The following DPP10 variants were observed in gnomAD, a reference collection of about 807,000 sequenced individuals.
DPP10 encodes dipeptidyl peptidase like 10.
Under a neutral mutation model 120.9 loss-of-function variants are expected in DPP10, and 33 were observed. The observed-to-expected ratio is 0.27, with a 90% confidence interval of 0.21 to 0.37. The LOEUF is 0.37. Among genes scored for constraint, DPP10 ranks in the 10% least tolerant of loss-of-function variants. The probability of loss-of-function intolerance (pLI) is 1.00; values close to 1 mark genes in which losing one functional copy is unlikely to be tolerated. For missense variants in DPP10, 816 were observed against 942.8 expected (o/e 0.87, Z 1.76); for synonymous variants, 337 against 326.1 (o/e 1.03, Z -0.36).
rs1484730199 is a variant in DPP10 at position 114,458,380 on chromosome 2, G to A, written c.60+15542G>A. The stretch of plus-strand genomic sequence containing the variant: ...TTGACCACTCATCTCTCCCCTATTT[G>A]CCTGTCATGAAATCTAAGATTCTGC... On this transcript the variant is annotated intron_variant, in intron 1 of 25. Transcript: ENST00000410059. Among the ~76,000 whole-genome samples, 4 of 152,122 alleles carry A rather than the reference G, an allele frequency of 2.6e-5. No homozygotes were observed. The East Asian group carries it at 7.7e-4, about 29-fold the overall frequency.
At chr2:115,282,120 A>G (rs1366646559) in intron 1 of DPP10, among the ~76,000 whole-genome samples, 1 of 152,060 alleles carries the variant, frequency 6.6e-6, no homozygotes, top group Non-Finnish European at 1.5e-5. Flanking sequence ...AATCAACTGA[A>G]TAACTTTAGT....
chr2:115,167,604 CA>C (rs59031977), intron 1 of DPP10, among the ~76,000 whole-genome samples: 6,002 of 48,590 alleles, frequency 0.12, 140 homozygotes, highest in East Asian at 0.28. Context: ...GAGACCGTCT[CA>C]AAAAAAAAAA....
intron 1 of DPP10, among the ~76,000 whole-genome samples, chr2:114,485,676 G>T (rs775189372): frequency 1.3e-5 from 2 of 151,984 alleles, no homozygotes; most frequent in Non-Finnish European, 2.9e-5. Flanking sequence ...CTTCTGGCGT[G>T]TCTGGGCTCC....
intron 1 of DPP10, among the ~76,000 whole-genome samples, chr2:115,164,937 CT>C (rs1189023506): frequency 6.6e-6 from 1 of 152,152 alleles, no homozygotes; most frequent in African/African-American, 2.4e-5. Flanking sequence ...AGTAATCTTT[CT>C]TTTAAAGATT....
intron 1 of DPP10, among the ~76,000 whole-genome samples, chr2:114,500,006 C>T (rs1489694186): frequency 6.6e-6 from 1 of 152,238 alleles, no homozygotes; most frequent in Non-Finnish European, 1.5e-5. Context: ...CTGGGGAGAA[C>T]TCACTGGCCC....
At chr2:114,971,115 T>C (rs1699361748) in intron 1 of DPP10, among the ~76,000 whole-genome samples, 1 of 152,202 alleles carries the variant, frequency 6.6e-6, no homozygotes, top group East Asian at 1.9e-4. Context: ...GTGTGTCAGT[T>C]GTGACGCCTC....
intron 5 of DPP10, among the ~76,000 whole-genome samples, chr2:115,658,025 G>C (rs1266737840): frequency 6.6e-6 from 1 of 151,900 alleles, no homozygotes; most frequent in Non-Finnish European, 1.5e-5. Flanking sequence ...TAAAACTAGT[G>C]ATATATTTAA....
intron 4 of DPP10, among the ~76,000 whole-genome samples, chr2:115,507,490 G>A (rs17044593): frequency 0.21 from 32,308 of 152,072 alleles, 3,952 homozygotes; most frequent in East Asian, 0.39. Flanking sequence ...GGCTCACTAC[G>A]GAGATAACAT....
At chr2:114,693,641 G>T (rs1419023175) in intron 1 of DPP10, among the ~76,000 whole-genome samples, 1 of 151,928 alleles carries the variant, frequency 6.6e-6, no homozygotes, top group East Asian at 1.9e-4. Flanking sequence ...CTAGGTTTGG[G>T]AAGTTCTCCT....
chr2:115,031,446 G>T (rs182092997), intron 1 of DPP10, among the ~76,000 whole-genome samples: 10 of 152,168 alleles, frequency 6.6e-5, no homozygotes, highest in African/African-American at 1.9e-4. Context: ...TAATTAATTT[G>T]TTCCTCACCC....
At chr2:115,234,005 G>A (rs769756567) in intron 1 of DPP10, 1 of 510,176 alleles carries the variant, frequency 2.0e-6, no homozygotes, top group East Asian at 5.5e-5. Context: ...GGAGGTAGTG[G>A]GGGAAATGCT....
Position 115,223,832 on chromosome 2 carries a change from G to A in DPP10, c.61-85407G>A, listed in dbSNP as rs1015296687. On this transcript the variant is annotated intron_variant, in intron 1 of 25. Coordinates refer to ENST00000410059, the MANE Select transcript of DPP10 (RefSeq NM_020868.6). ...CCTGGAATGTTTATCACATCAGTACGAGTCATAGAATTTGGAAGCAAACTT... is the reference window on the plus strand; with the variant it reads ...CCTGGAATGTTTATCACATCAGTACAAGTCATAGAATTTGGAAGCAAACTT... Among the ~76,000 whole-genome samples the A allele has an allele frequency of 5.3e-5, 8 of 152,190 alleles. No individual in the cohort carries two copies. The South Asian group carries it at 6.2e-4, about 12-fold the overall frequency.
At chr2:114,924,771 A>G (rs1695476661) in intron 1 of DPP10, among the ~76,000 whole-genome samples, 1 of 152,180 alleles carries the variant, frequency 6.6e-6, no homozygotes, top group Non-Finnish European at 1.5e-5. Flanking sequence ...CAACAACACA[A>G]AACACAGCAA....
chr2:114,497,189 ACATGTGTATG>A (rs1368802595), intron 1 of DPP10, among the ~76,000 whole-genome samples: 1 of 149,758 alleles, frequency 6.7e-6, no homozygotes, highest in African/African-American at 2.4e-5. Context: ...GTACGTGTAT[ACATGTGTATG>A]CATGTGTACA....
chr2:115,212,108 T>G (rs1203831004), intron 1 of DPP10, among the ~76,000 whole-genome samples: 1 of 152,108 alleles, frequency 6.6e-6, no homozygotes, highest in Non-Finnish European at 1.5e-5. Context: ...ATCCATAGAT[T>G]AGCTAATTTT....
chr2:114,963,324 T>C (rs1045787707), intron 1 of DPP10, among the ~76,000 whole-genome samples: 4 of 152,160 alleles, frequency 2.6e-5, no homozygotes, highest in Admixed American at 6.5e-5. Flanking sequence ...CAAATGTCAG[T>C]ATCTGTCAAA....
chr2:114,900,374 C>T (rs983051312), intron 1 of DPP10, among the ~76,000 whole-genome samples: 1 of 152,168 alleles, frequency 6.6e-6, no homozygotes. Context: ...ATGAGTAAAC[C>T]AGTGGCTCCC....
chr2:115,607,261 AT>A (rs749058745), intron 5 of DPP10, among the ~76,000 whole-genome samples: 18 of 152,208 alleles, frequency 1.2e-4, no homozygotes, highest in Admixed American at 2.6e-4. Flanking sequence ...ATTTGAAAAA[AT>A]AATGCAAATT....
chr2:115,667,163 GT>G (rs1254820786), intron 5 of DPP10, among the ~76,000 whole-genome samples: 19 of 152,042 alleles, frequency 1.2e-4, no homozygotes, highest in African/African-American at 4.3e-4. Flanking sequence ...TTCAAAAAGT[GT>G]TTGTTCATGT....
Sources: gnomAD v4.1 joint callset for allele counts (sites outside exome capture counted in the v4.1 genomes callset) on GRCh38, gnomAD v4.1.1 for gene constraint, MANE v1.5 for transcripts, NCBI Gene and HGNC (gene_info 2026-07-23, HGNC 2026-07-21) for gene names.